The following BCAS3 variants were observed in gnomAD, a reference collection of about 807,000 sequenced individuals.
BCAS3 encodes the protein BCAS4/BCAS3 fusion.
Under a neutral mutation model 116.1 loss-of-function variants are expected in BCAS3, and 53 were observed. That is an observed-to-expected ratio of 0.46 (90% CI 0.37 to 0.57). BCAS3 has a LOEUF of 0.57. BCAS3 is among the 20% of genes least tolerant of loss of function. The probability of loss-of-function intolerance (pLI) is 0.00; values close to 1 mark genes in which losing one functional copy is unlikely to be tolerated. For missense variants in BCAS3, 917 were observed against 1,165.4 expected, an observed-to-expected ratio of 0.79 and a Z score of 3.10; for synonymous variants, 391 against 408.2, an observed-to-expected ratio of 0.96 and a Z score of 0.51.
chr17:60,996,216 A>G (rs112716498), intron 15 of BCAS3, among the ~76,000 whole-genome samples: 1,561 of 152,300 alleles, frequency 0.01, 34 homozygotes, highest in African/African-American at 0.035. Flanking sequence ...TGGCAGGACT[A>G]GAATGGAGAT....
chr17:61,353,203 C>T (rs149022903), intron 22 of BCAS3, among the ~76,000 whole-genome samples: 98 of 152,284 alleles, frequency 6.4e-4, no homozygotes, highest in Middle Eastern at 3.4e-3. Flanking sequence ...CCTCCATTTC[C>T]TTGTGTTTAA....
rs547783122 is a variant in BCAS3 at position 60,963,681 on chromosome 17, G to A, written c.1221+16329G>A. On this transcript the variant is annotated intron_variant, in intron 14 of 23. Transcript: ENST00000407086. Reference sequence around the variant, plus strand: ...TGCCATTCTCCTGCCTCAGCCTCCCGAGTAGCTGGGACCACAGGCGCCTGC... The same window carrying A: ...TGCCATTCTCCTGCCTCAGCCTCCCAAGTAGCTGGGACCACAGGCGCCTGC... 1.1e-4 allele frequency among the ~76,000 whole-genome samples: 17 copies of A among 151,182 alleles called. No individual in the cohort carries two copies. In the South Asian group the frequency reaches 3.6e-3, roughly 32 times the overall value.
At chr17:61,350,634 CTT>C (rs35195040) in intron 22 of BCAS3, among the ~76,000 whole-genome samples, 62,593 of 140,340 alleles carry the variant, frequency 0.45, 15,153 homozygotes, top group Non-Finnish European at 0.56. Context: ...ATTATTCAGT[CTT>C]TTTTTTTTTT....
intron 22 of BCAS3, among the ~76,000 whole-genome samples, chr17:61,183,909 A>G (rs1356828189): frequency 2.0e-5 from 3 of 152,210 alleles, no homozygotes; most frequent in Admixed American, 6.5e-5. Context: ...TCAAAAGGCA[A>G]TATGTTGTGA....
intron 14 of BCAS3, among the ~76,000 whole-genome samples, chr17:60,948,201 C>T (rs913534698): frequency 2.6e-5 from 4 of 151,950 alleles, no homozygotes; most frequent in African/African-American, 4.8e-5. Context: ...CTCTGCCTCC[C>T]GGGTTCGAGC....
rs71370178 is a variant in BCAS3 at position 60,701,805 on chromosome 17, C to CAA, written c.215-7399_215-7398dup. 5.1e-3 allele frequency among the ~76,000 whole-genome samples: 396 copies of CAA among 77,040 alleles called. 1 individual carries two copies. Among genetic ancestry groups the CAA allele is most frequent in the Admixed American group, 9.0e-3 (66 of 7,312 alleles). The allele number at this position is 77,040 out of a possible 152,430, so 50.5% of individuals were successfully genotyped here. ...TGACACTCCATCTCTACTAAAAATA[C>CAA]AAAAAAAAAAAAAAAAGAAAAAGCC... On this transcript the variant is annotated intron_variant, in intron 4 of 23. Transcript: ENST00000407086.
intron 4 of BCAS3, among the ~76,000 whole-genome samples, chr17:60,707,710 TAAC>T: frequency 5.7e-5 from 1 of 17,594 alleles, no homozygotes; most frequent in Admixed American, 6.6e-3. Flanking sequence ...AAAAATAAAA[TAAC>T]TATTGCATTT....
At chr17:61,155,655 G>A (rs1485320976) in intron 22 of BCAS3, among the ~76,000 whole-genome samples, 1 of 152,188 alleles carries the variant, frequency 6.6e-6, no homozygotes, top group East Asian at 1.9e-4. Flanking sequence ...TCATACAAGC[G>A]AGAATGTTAA....
chr17:61,192,977 C>T (rs1013927299), intron 22 of BCAS3, among the ~76,000 whole-genome samples: 2 of 152,170 alleles, frequency 1.3e-5, no homozygotes, highest in Non-Finnish European at 2.9e-5. Flanking sequence ...AATTTAAGGA[C>T]ACTGCGGGGC....
chr17:60,870,789 A>G (rs577939141), intron 8 of BCAS3, among the ~76,000 whole-genome samples: 7 of 152,310 alleles, frequency 4.6e-5, no homozygotes, highest in African/African-American at 7.2e-5. Flanking sequence ...GCACTCAGAT[A>G]TTGATACAGA....
In BCAS3 at chr17:60,706,009, C is replaced by T. The variant is rs140075029; in HGVS notation, c.215-3210C>T. 2.0e-5 allele frequency among the ~76,000 whole-genome samples: 3 copies of T among 152,178 alleles called. No homozygotes were observed. The East Asian group carries it at 5.8e-4, about 29-fold the overall frequency. ...CTCTGTTACCCCTGAGGGAGATGAC[C>T]GACCCCTCCTGTTCTTCCTCTTCCT... On this transcript the variant is annotated intron_variant, in intron 4 of 23. Coordinates refer to ENST00000407086, the MANE Select transcript of BCAS3 (RefSeq NM_017679.5).
At chr17:60,842,404 A>G (rs1449701400) in intron 7 of BCAS3, among the ~76,000 whole-genome samples, 2 of 152,212 alleles carry the variant, frequency 1.3e-5, no homozygotes, top group African/African-American at 4.8e-5. Flanking sequence ...GTATCAAAAA[A>G]TAGTGGCATG....
chr17:61,014,262 G>A (rs187077047), intron 15 of BCAS3, among the ~76,000 whole-genome samples: 5 of 152,102 alleles, frequency 3.3e-5, no homozygotes, highest in East Asian at 1.9e-4. Flanking sequence ...GGCTTATTCC[G>A]TAACACAGAA....
Position 60,921,977 on chromosome 17 carries a change from CA to C in BCAS3, c.994-2429del, listed in dbSNP as rs1293533296. ...TTGTTAACACATAATACAGATAAAA[CA>C]TTTTTTTCTTTTTTTTTCTCAGTAA... is the stretch of plus-strand genomic sequence containing the variant. On this transcript the variant is annotated intron_variant, in intron 12 of 23. Transcript: ENST00000407086. Among the ~76,000 whole-genome samples, 13 of 152,052 alleles carry C rather than the reference CA, an allele frequency of 8.5e-5. No homozygotes were observed. The East Asian group carries it at 2.3e-3, about 27-fold the overall frequency.
chr17:61,137,758 C>G (rs555265410), intron 22 of BCAS3, among the ~76,000 whole-genome samples: 120 of 152,352 alleles, frequency 7.9e-4, no homozygotes, highest in Admixed American at 1.6e-3. Context: ...CAGAGCAAGA[C>G]TCCATCTCAA....
intron 22 of BCAS3, among the ~76,000 whole-genome samples, chr17:61,191,823 A>G (rs186929051): frequency 6.6e-6 from 1 of 152,258 alleles, no homozygotes; most frequent in African/African-American, 2.4e-5. Context: ...ACTTCAAAAT[A>G]TCAGCAGTAA....
intron 19 of BCAS3, among the ~76,000 whole-genome samples, chr17:61,067,666 A>C (rs954054059): frequency 2.7e-5 from 4 of 149,728 alleles, no homozygotes; most frequent in African/African-American, 7.4e-5. Context: ...CAGTGAGCTG[A>C]GATCATGCTG....
chr17:60,843,513 C>T (rs2052180277), intron 7 of BCAS3, among the ~76,000 whole-genome samples: 1 of 152,134 alleles, frequency 6.6e-6, no homozygotes. Context: ...AGCCACTGCA[C>T]CCGGCCATAC....
rs1241233735 is a variant in BCAS3 at position 60,974,997 on chromosome 17, TTG to T, written c.1222-14972_1222-14971del. ...TGTTTTTTTTGTTTTTTTTGCTTTTTTGTTTTTTTTTTTTTGAGACGGAGTCT... is the reference window on the plus strand; with the variant it reads ...TGTTTTTTTTGTTTTTTTTGCTTTTTTTTTTTTTTTTTTGAGACGGAGTCT... On this transcript the variant is annotated intron_variant, in intron 14 of 23. Coordinates refer to ENST00000407086, the MANE Select transcript of BCAS3 (RefSeq NM_017679.5). 1.4e-3 allele frequency among the ~76,000 whole-genome samples: 200 copies of T among 147,768 alleles called. 3 individuals carry two copies. The highest frequency in any genetic ancestry group is 4.6e-3 in the African/African-American group (174 of 37,696).
Sources: allele counts gnomAD v4.1 joint callset (sites outside exome capture counted in the v4.1 genomes callset), GRCh38; gene constraint gnomAD v4.1.1; transcripts MANE v1.5; gene names NCBI Gene and HGNC (gene_info 2026-07-23, HGNC 2026-07-21).